GSR: variants seen among roughly 807,000 people sequenced by gnomAD.
The protein encoded by GSR is glutathione-disulfide reductase.
A neutral mutation model predicts 56.5 loss-of-function variants in GSR; 48 were observed. That is an observed-to-expected ratio of 0.85 (90% CI 0.67 to 1.08). GSR has a LOEUF of 1.08. Among genes scored for constraint, GSR ranks in the 50% least tolerant of loss-of-function variants. GSR has a pLI of 0.00. For synonymous variants in GSR, 264 were observed against 270.8 expected (o/e 0.97, Z 0.25); for missense variants, 694 against 703.3 (o/e 0.99, Z 0.15).
intron 1 of GSR, among the ~76,000 whole-genome samples, chr8:30,718,107 A>C (rs942317071): frequency 1.1e-5 from 1 of 95,036 alleles, no homozygotes; most frequent in Non-Finnish European, 2.4e-5. Flanking sequence ...GTCTCAAAAA[A>C]ATAAAAATAA....
intron 1 of GSR, among the ~76,000 whole-genome samples, chr8:30,721,634 CAG>C (rs557442508): frequency 1.6e-3 from 244 of 147,994 alleles, no homozygotes; most frequent in African/African-American, 5.7e-3. Flanking sequence ...GCCAGGGTGA[CAG>C]AGTGAGACTT....
chr8:30,700,238 A>G, intron 5 of GSR, 103 bp from the exon 6 acceptor site: 1 of 863,146 alleles, frequency 1.2e-6, no homozygotes, highest in Non-Finnish European at 2.0e-6. Context: ...CAGCCAACAT[A>G]GTCTCCGTTT....
In GSR at chr8:30,689,216, A is replaced by C; in HGVS notation, c.986T>G (p.Leu329Arg). ...VMTMIPDVDCLLWAIGRVPNT... is the reference protein window; with the variant it reads ...VMTMIPDVDCRLWAIGRVPNT... The stretch of plus-strand genomic sequence containing the variant: ...CGGGACCCGCCCAATGGCCCAGAGC[A>C]GGCAGTCAACATCTGGAATCATGGT... The change falls in exon 9 of 13, where the codon CTG (leucine) becomes CGG (arginine). Residue 329 changes from leucine to arginine, a missense_variant. Leu to Arg is a moderately radical substitution (Grantham distance 102). Transcript: ENST00000221130. The C allele has an allele frequency of 6.2e-7, 1 of 1,613,938 alleles. No homozygotes were observed. The highest frequency in any genetic ancestry group is 8.5e-7 in the Non-Finnish European group (1 of 1,179,812).
intron 1 of GSR, among the ~76,000 whole-genome samples, chr8:30,725,041 A>G (rs1015914269): frequency 2.0e-5 from 3 of 152,150 alleles, no homozygotes; most frequent in South Asian, 2.1e-4. Context: ...TGGGGTTCCA[A>G]TATTTTTTTC....
intron 4 of GSR, among the ~76,000 whole-genome samples, chr8:30,706,005 TATC>T (rs572127265): frequency 1.1e-3 from 170 of 152,148 alleles, no homozygotes; most frequent in African/African-American, 3.8e-3. Context: ...GTGGCCTAAT[TATC>T]ATCAAGAATC....
At chr8:30,708,347 G>A (rs1477619090) in intron 3 of GSR, among the ~76,000 whole-genome samples, 1 of 152,184 alleles carries the variant, frequency 6.6e-6, no homozygotes, top group Non-Finnish European at 1.5e-5. Flanking sequence ...ACTCAGTGGA[G>A]AACACACTCA....
intron 9 of GSR, among the ~76,000 whole-genome samples, chr8:30,684,928 CATTTATTTATTTATTTATTTATTT>C (rs57141426): frequency 0.034 from 4,561 of 133,842 alleles, 101 homozygotes; most frequent in Admixed American, 0.045. Context: ...TTTTAACATA[CATTTATTTATTTATTTATTTATTT>C]ATTTATTTAT....
chr8:30,721,046 T>C (rs1804518289), intron 1 of GSR, among the ~76,000 whole-genome samples: 1 of 152,114 alleles, frequency 6.6e-6, no homozygotes, highest in Non-Finnish European at 1.5e-5. Context: ...CAGTGAGCCA[T>C]GATCGTGCCA....
rs1350803938 is a variant in GSR at position 30,703,188 on chromosome 8, G to C, written c.545C>G (p.Pro182Arg). The part of the protein sequence containing the change: ...GHAAFTSDPK[P>R]TIEVSGKKYT... ...CTTTTTCCCACTGACCTCTATTGTG[G>C]GCTTGGGATCACTCGTGAAGGCTGC... The change falls in exon 5 of 13, where the codon CCC becomes CGC. Residue 182 changes from proline (P) to arginine (R), a missense_variant. Physicochemically the swap from Pro to Arg is moderately radical, Grantham distance 103. Coordinates refer to ENST00000221130, the MANE Select transcript of GSR (RefSeq NM_000637.5). 8 of 1,613,894 alleles carry C rather than the reference G, an allele frequency of 5.0e-6. No homozygotes were observed. In the African/African-American group the frequency reaches 1.1e-4, roughly 22 times the overall value.
intron 9 of GSR, among the ~76,000 whole-genome samples, chr8:30,686,968 C>T (rs900670341): frequency 6.4e-4 from 97 of 151,770 alleles, no homozygotes; most frequent in Non-Finnish European, 1.8e-4. Context: ...TCCCAAGTAG[C>T]TGGGATTACA....
At chr8:30,725,559 C>T (rs8190900) in intron 1 of GSR, among the ~76,000 whole-genome samples, 3,085 of 147,010 alleles carry the variant, frequency 0.021, 118 homozygotes, top group African/African-American at 0.074. Flanking sequence ...GACTCCATAT[C>T]GAAAAAAAAA....
Position 30,679,684 on chromosome 8 carries a change from G to T in GSR, c.1420-15C>A, listed in dbSNP as rs781512145. 1 of 1,591,190 alleles carries T rather than the reference G, an allele frequency of 6.3e-7. No homozygotes were observed. Among genetic ancestry groups the T allele is most frequent in the South Asian group, 1.1e-5 (1 of 90,542 alleles). ...ATCCCAACCACCTGGGAAAAGAAGA[G>T]AAACATTTTCTTTTCTTTCTTCTTT... On this transcript the variant is annotated splice_polypyrimidine_tract_variant and intron_variant, in intron 12 of 12. Transcript: ENST00000221130.
chr8:30,688,578 CAAA>C (rs57690198), intron 9 of GSR, among the ~76,000 whole-genome samples: 1 of 81,524 alleles, frequency 1.2e-5, no homozygotes, highest in Non-Finnish European at 2.2e-5. Flanking sequence ...GACCCTGTCT[CAAA>C]AAAAAAAAAA....
At chr8:30,712,312 A>G (rs552350294) in intron 1 of GSR, among the ~76,000 whole-genome samples, 2 of 152,328 alleles carry the variant, frequency 1.3e-5, no homozygotes, top group Admixed American at 1.3e-4. Context: ...TCTTGGACGG[A>G]GAAAGAACAA....
At chr8:30,710,885 T>A (rs1051334735) in intron 2 of GSR, among the ~76,000 whole-genome samples, 36 of 150,850 alleles carry the variant, frequency 2.4e-4, no homozygotes, top group African/African-American at 6.6e-4. Context: ...GTGGTATATT[T>A]AAAAAAAAAT....
intron 4 of GSR, chr8:30,704,702 G>A (rs1348975936): frequency 6.6e-6 from 1 of 152,206 alleles, no homozygotes; most frequent in East Asian, 1.9e-4. Flanking sequence ...TAACATATTG[G>A]AACGTGCTTG....
At chr8:30,688,455 T>C (rs947135242) in intron 9 of GSR, among the ~76,000 whole-genome samples, 3 of 151,660 alleles carry the variant, frequency 2.0e-5, no homozygotes, top group African/African-American at 4.8e-5. Flanking sequence ...GGCACATTCC[T>C]GTAGCTCCAG....
intron 1 of GSR, among the ~76,000 whole-genome samples, chr8:30,713,746 G>A (rs750610047): frequency 2.1e-4 from 32 of 152,130 alleles, no homozygotes; most frequent in Non-Finnish European, 4.0e-4. Flanking sequence ...AATTTTAAAG[G>A]TTGACTATAA....
rs1563536794 is a variant in GSR at position 30,703,096 on chromosome 8, G to A, written c.637C>T (p.Pro213Ser). The A allele has an allele frequency of 6.2e-7, 1 of 1,613,894 alleles. No homozygotes were observed. Among genetic ancestry groups the A allele is most frequent in the Non-Finnish European group, 8.5e-7 (1 of 1,179,948 alleles). The change falls in exon 5 of 13, where the codon CCC (proline) becomes TCC (serine). Residue 213 changes from proline (P) to serine (S), a missense_variant. Physicochemically the swap from Pro to Ser is moderately conservative, Grantham distance 74. Coordinates refer to ENST00000221130, the MANE Select transcript of GSR (RefSeq NM_000637.5). The part of the protein sequence containing the change: ...MPSTPHESQI[P>S]GASLGITSDG... ...GAGTACCTGTTGTATGACTCACCGG[G>A]GATCTGGCTCTCATGAGGGGTGGAG...
Sources: allele counts gnomAD v4.1 joint callset (sites outside exome capture counted in the v4.1 genomes callset), GRCh38; gene constraint gnomAD v4.1.1; transcripts MANE v1.5; gene names NCBI Gene and HGNC (gene_info 2026-07-23, HGNC 2026-07-21).